MYO3B: variants seen among roughly 807,000 people sequenced by gnomAD.
The protein encoded by MYO3B is myosin IIIB, also known as myosin-IIIb.
MYO3B carries 156 observed loss-of-function variants against 174.6 expected under a neutral mutation model. That is an observed-to-expected ratio of 0.89 (90% CI 0.78 to 1.02). The LOEUF (loss-of-function observed/expected upper bound fraction) is 1.02, where lower values mean the gene tolerates loss of function less well. MYO3B is among the 50% of genes least tolerant of loss of function. MYO3B has a pLI of 0.00. For missense variants in MYO3B, 1,632 were observed against 1,639.4 expected (o/e 1.00, Z 0.08); for synonymous variants, 563 against 569.1 (o/e 0.99, Z 0.15).
At chr2:170,202,472 T>C (rs2092672375) in intron 3 of MYO3B, among the ~76,000 whole-genome samples, 1 of 152,172 alleles carries the variant, frequency 6.6e-6, no homozygotes. Context: ...CAGAAGCCTC[T>C]CTCTTCAGTC....
At chr2:170,432,088 A>G (rs1418343632) in intron 22 of MYO3B, among the ~76,000 whole-genome samples, 2 of 152,236 alleles carry the variant, frequency 1.3e-5, no homozygotes, top group African/African-American at 4.8e-5. Flanking sequence ...CAACTATATT[A>G]CTGGTTTACG....
intron 9 of MYO3B, among the ~76,000 whole-genome samples, chr2:170,373,748 A>G (rs544213853): frequency 3.3e-5 from 5 of 152,188 alleles, no homozygotes; most frequent in Admixed American, 3.3e-4. Context: ...AAGTTGGGAA[A>G]GACACAGAAA....
At chr2:170,374,757 A>T (rs991684536) in intron 9 of MYO3B, among the ~76,000 whole-genome samples, 1 of 106,576 alleles carries the variant, frequency 9.4e-6, no homozygotes. Context: ...ATATGCATAC[A>T]TACACACACA....
chr2:170,299,301 A>G lies in MYO3B; in HGVS notation c.750-36084A>G, dbSNP rs1173923706. On this transcript the variant is annotated intron_variant, in intron 7 of 34. Transcript: ENST00000408978. ...TAAATAAATGCCTGATTGATTGATT[A>G]AATGAATGAATTCAGTGAGGCAGAC... is the stretch of plus-strand genomic sequence containing the variant. 2.0e-5 allele frequency among the ~76,000 whole-genome samples: 3 copies of G among 152,208 alleles called. No individual in the cohort carries two copies. The South Asian group carries it at 6.2e-4, about 31-fold the overall frequency.
intron 32 of MYO3B, among the ~76,000 whole-genome samples, chr2:170,627,028 G>A (rs566511668): frequency 1.2e-3 from 175 of 151,876 alleles, no homozygotes; most frequent in African/African-American, 4.1e-3. Flanking sequence ...TATGTGTCTT[G>A]GAGTTGCTCT....
chr2:170,199,432 T>A (rs35521414), intron 2 of MYO3B, 41 bp downstream of exon 2: 548,020 of 1,456,194 alleles, frequency 0.38, 104,377 homozygotes, highest in Non-Finnish European at 0.4. Flanking sequence ...TTTGGTGTTT[T>A]ATGCACACTG....
At chr2:170,419,951 G>A (rs2094604442) in intron 22 of MYO3B, among the ~76,000 whole-genome samples, 1 of 152,194 alleles carries the variant, frequency 6.6e-6, no homozygotes, top group African/African-American at 2.4e-5. Context: ...TTGGGAGGCC[G>A]AGACAGGTGG....
intron 32 of MYO3B, among the ~76,000 whole-genome samples, chr2:170,629,102 T>C (rs966259465): frequency 6.6e-6 from 1 of 152,236 alleles, no homozygotes; most frequent in Admixed American, 6.5e-5. Flanking sequence ...AAACAAACTC[T>C]GTTCTGTGTA....
chr2:170,469,318 G>A (rs900850834), intron 25 of MYO3B, among the ~76,000 whole-genome samples: 10 of 152,134 alleles, frequency 6.6e-5, no homozygotes, highest in Non-Finnish European at 1.2e-4. Context: ...AATATACAAA[G>A]CCCACATTCT....
intron 32 of MYO3B, among the ~76,000 whole-genome samples, chr2:170,645,468 CAAAAAAAAAAA>C (rs55720994): frequency 2.1e-4 from 14 of 66,412 alleles, no homozygotes; most frequent in Non-Finnish European, 3.8e-4. Flanking sequence ...GGCTCCGTCT[CAAAAAAAAAAA>C]AAAAAAAAAA....
chr2:170,469,881 T>A (rs574355425), intron 25 of MYO3B, among the ~76,000 whole-genome samples: 8 of 151,960 alleles, frequency 5.3e-5, no homozygotes, highest in Non-Finnish European at 8.8e-5. Context: ...GGAGGGTGGA[T>A]CACCTGAGGT....
intron 32 of MYO3B, among the ~76,000 whole-genome samples, chr2:170,628,543 C>T (rs889582768): frequency 6.6e-6 from 1 of 152,208 alleles, no homozygotes; most frequent in Non-Finnish European, 1.5e-5. Context: ...CAGTGCGCTG[C>T]ACCCACCGTC....
intron 28 of MYO3B, among the ~76,000 whole-genome samples, chr2:170,506,412 C>T (rs1391002380): frequency 2.0e-5 from 3 of 152,178 alleles, no homozygotes; most frequent in Non-Finnish European, 4.4e-5. Flanking sequence ...TTGTAATTTC[C>T]TAGAACTAAA....
At chr2:170,214,686 C>T (rs775468660) in intron 4 of MYO3B, 43 bp from the exon 5 acceptor site, 2 of 1,559,314 alleles carry the variant, frequency 1.3e-6, no homozygotes, top group South Asian at 2.2e-5. Context: ...TAAATTTCCC[C>T]TTTCTCTTTC....
intron 32 of MYO3B, among the ~76,000 whole-genome samples, chr2:170,628,316 G>C (rs1285936354): frequency 1.3e-5 from 2 of 152,082 alleles, no homozygotes; most frequent in East Asian, 3.9e-4. Flanking sequence ...AGCAATGAGC[G>C]AGGCTCCGTG....
rs112951711 is a variant in MYO3B, at chr2:170,260,967, A to G, written c.749+24831A>G. Among the ~76,000 whole-genome samples the G allele has an allele frequency of 5.1e-3, 773 of 152,232 alleles. 8 individuals are homozygous for G. The highest frequency in any genetic ancestry group is 0.018 in the African/African-American group (747 of 41,534). On this transcript the variant is annotated intron_variant, in intron 7 of 34. Coordinates refer to ENST00000408978, the MANE Select transcript of MYO3B (RefSeq NM_138995.5). Reference sequence around the variant, plus strand: ...CTTTAAAGTGATGCAGAAAAATGGGATGGTACCTGGAGAGGAAAATAAAGG... The same window carrying G: ...CTTTAAAGTGATGCAGAAAAATGGGGTGGTACCTGGAGAGGAAAATAAAGG...
At chr2:170,537,448 ATTTTTTT>A (rs559086883) in intron 30 of MYO3B, among the ~76,000 whole-genome samples, 55 of 54,808 alleles carry the variant, frequency 1.0e-3, no homozygotes, top group East Asian at 3.6e-3. Context: ...GAGCTCTTTG[ATTTTTTT>A]TTTTTTTTTT....
In MYO3B at chr2:170,405,586, C is replaced by T; in HGVS notation, c.2473C>T (p.Pro825Ser). 6.2e-7 allele frequency: 1 copy of T among 1,614,152 alleles called. No individual in the cohort carries two copies. The highest frequency in any genetic ancestry group is 8.5e-7 in the Non-Finnish European group (1 of 1,180,006). Residue 825 changes from proline (P) to serine (S), a missense_variant, in exon 21 of 35, where the codon CCC (proline) becomes TCC (serine). Coordinates refer to ENST00000408978, the MANE Select transcript of MYO3B (RefSeq NM_138995.5). ...DNLRCKYFWR[P>S]KGVELCFGIQ... is the part of the protein sequence containing the mutation. ...TCTACGATGCAAATACTTCTGGAGGCCCAAAGGAGTGGAACTGTGCTTTGG... is the reference window on the plus strand; with the variant it reads ...TCTACGATGCAAATACTTCTGGAGGTCCAAAGGAGTGGAACTGTGCTTTGG...
At position 170,585,755 on chromosome 2, in the gene MYO3B, A is replaced by G. The variant is rs80060876; in HGVS notation, c.3733+41767A>G. 3.3e-5 allele frequency among the ~76,000 whole-genome samples: 5 copies of G among 152,284 alleles called. No individual in the cohort carries two copies. In the East Asian group the frequency reaches 9.7e-4, roughly 29 times the overall value. On this transcript the variant is annotated intron_variant, in intron 32 of 34. Coordinates refer to ENST00000408978, the MANE Select transcript of MYO3B (RefSeq NM_138995.5). ...AGTTCTTGGAGTTGGAAACCACTTC[A>G]AGAAATCACACAGTGGCCAGGCGTG...
Sources: allele counts gnomAD v4.1 joint callset (sites outside exome capture counted in the v4.1 genomes callset), GRCh38; gene constraint gnomAD v4.1.1; transcripts MANE v1.5; gene names NCBI Gene and HGNC (gene_info 2026-07-23, HGNC 2026-07-21).